The following TARBP1 variants were observed in gnomAD, a reference collection of about 807,000 sequenced individuals.
TARBP1 encodes tRNA guanosine 2 -O-methyltransferase TARBP1, also known as tRNA (guanosine(18)-2'-O)-methyltransferase TARBP1.
TARBP1 carries 144 observed loss-of-function variants against 178.6 expected under a neutral mutation model. The observed-to-expected ratio is 0.81, with a 90% CI of 0.70 to 0.93. The LOEUF is 0.93. Among genes scored for constraint, TARBP1 ranks in the 40% least tolerant of loss-of-function variants. TARBP1 has a pLI of 0.00. For missense variants in TARBP1, 2,067 were observed against 2,011.7 expected (o/e 1.03, Z -0.53); for synonymous variants, 787 against 781.0 (o/e 1.01, Z -0.13).
rs1372497823 is a variant in TARBP1 at position 234,405,903 on chromosome 1, C to T, written c.3989G>A (p.Gly1330Glu). ...GATGAGGTTGACGAGGGCTCCTTAC[C>T]CTGCTCCGTGCATGCTTTCCACTTG... ...LHQVESMHGA[G>E]NAKKNWQRIQ... The change falls in exon 24 of 30, where the codon GGG becomes GAG. Residue 1330 changes from glycine to glutamate, a missense_variant and splice_region_variant. Transcript: ENST00000040877. 1.2e-6 allele frequency: 2 copies of T among 1,613,180 alleles called. No homozygotes were observed. Among genetic ancestry groups the T allele is most frequent in the African/African-American group, 1.3e-5 (1 of 74,900 alleles).
intron 20 of TARBP1, among the ~76,000 whole-genome samples, chr1:234,422,711 T>C (rs1209949830): frequency 6.6e-6 from 1 of 152,146 alleles, no homozygotes; most frequent in Non-Finnish European, 1.5e-5. Context: ...AGTAAGTTAT[T>C]GTACATTTTA....
chr1:234,420,576 G>A (rs531290505), intron 21 of TARBP1, 126 bp downstream of exon 21: 29 of 510,912 alleles, frequency 5.7e-5, no homozygotes, highest in African/African-American at 5.4e-4. Context: ...TCAATTTTAA[G>A]AACTGCAGAA....
intron 2 of TARBP1, among the ~76,000 whole-genome samples, chr1:234,471,652 T>A (rs1571882375): frequency 6.6e-6 from 1 of 152,180 alleles, no homozygotes; most frequent in African/African-American, 2.4e-5. Context: ...CAGTTCGGAG[T>A]TCCATGTTCT....
intron 20 of TARBP1, among the ~76,000 whole-genome samples, chr1:234,425,248 A>C (rs1038017786): frequency 6.6e-6 from 1 of 152,310 alleles, no homozygotes; most frequent in Middle Eastern, 3.4e-3. Flanking sequence ...AGAAAAAACA[A>C]ACAAACAAAA....
At chr1:234,452,324 A>G (rs981757438) in intron 9 of TARBP1, among the ~76,000 whole-genome samples, 2 of 152,222 alleles carry the variant, frequency 1.3e-5, no homozygotes, top group African/African-American at 4.8e-5. Flanking sequence ...CAAAACACAT[A>G]TCTGATAAAG....
intron 5 of TARBP1, 114 bp downstream of exon 5, chr1:234,465,542 C>T (rs1668342829): frequency 2.2e-6 from 2 of 890,386 alleles, no homozygotes; most frequent in East Asian, 5.8e-5. Flanking sequence ...ATAAGAAAAA[C>T]TCAACTGTCT....
chr1:234,410,145 T>A (rs970137943), intron 23 of TARBP1, among the ~76,000 whole-genome samples: 14 of 152,224 alleles, frequency 9.2e-5, no homozygotes, highest in Admixed American at 8.5e-4. Flanking sequence ...TCCTAAGTAA[T>A]CCTAATCCTA....
chr1:234,455,990 T>TCTACCAAAGCAACCATAGGAAACTATG (rs1667232435), intron 9 of TARBP1, among the ~76,000 whole-genome samples: 2 of 152,212 alleles, frequency 1.3e-5, no homozygotes, highest in Non-Finnish European at 2.9e-5. Flanking sequence ...CCAAATGCTA[T>TCTACCAAAGCAACCATAGGAAACTATG]GTTTTATCTA....
rs536356508 is a variant in TARBP1, at chr1:234,427,712, G to A, written c.3115C>T (p.Leu1039=). 13 of 1,526,752 alleles carry A rather than the reference G, an allele frequency of 8.5e-6. No individual in the cohort carries two copies. The Admixed American group carries it at 1.4e-4, about 17-fold the overall frequency. The allele number at this position is 1,526,752 out of a possible 1,614,324, so 94.6% of individuals were successfully genotyped here. A position where few individuals can be genotyped will look rare whatever the true frequency, so the allele number is the denominator to read the frequency against. Residue 1039 remains leucine (L), a synonymous_variant, in exon 18 of 30, where the codon CTG becomes TTG. Coordinates refer to ENST00000040877, the MANE Select transcript of TARBP1 (RefSeq NM_005646.4). ...CAAGACTGACAGCAGTAACTTATCAGTGTATTGAAGACTCCAGTCTTTATA... is the reference window on the plus strand; with the variant it reads ...CAAGACTGACAGCAGTAACTTATCAATGTATTGAAGACTCCAGTCTTTATA... The part of the protein sequence containing the change: ...SAIKTGVFNT[L]ISYCCQSWIV...
intron 23 of TARBP1, among the ~76,000 whole-genome samples, chr1:234,408,163 A>AC (rs1661452383): frequency 6.6e-6 from 1 of 152,008 alleles, no homozygotes; most frequent in South Asian, 2.1e-4. Context: ...GAGCAAGCTG[A>AC]CAGGACAATA....
intron 13 of TARBP1, among the ~76,000 whole-genome samples, chr1:234,434,173 T>A (rs1211472788): frequency 1.3e-5 from 2 of 152,324 alleles, no homozygotes; most frequent in East Asian, 3.9e-4. Flanking sequence ...GATGACTCAA[T>A]TGTGAAATGT....
In TARBP1 at chr1:234,478,906, T is replaced by G. The variant is rs1669857636; in HGVS notation, c.198A>C (p.Ala66=). Residue 66 remains alanine, a synonymous_variant, in exon 1 of 30, where the codon GCA becomes GCC. Transcript: ENST00000040877. ...ALPEAAREVA[A]GYLVPLLRSL... ...TCCGCAGCAGTGGCACGAGGTACCC[T>G]GCAGCCACCTCGCGCGCCGCCTCCG... The G allele has an allele frequency of 7.0e-7, 1 of 1,419,728 alleles. No homozygotes were observed. Among genetic ancestry groups the G allele is most frequent in the Admixed American group, 3.1e-5 (1 of 32,644 alleles). The allele number at this position is 1,419,728 out of a possible 1,614,324, so 87.9% of individuals were successfully genotyped here. A position where few individuals can be genotyped will look rare whatever the true frequency, so the allele number is the denominator to read the frequency against.
chr1:234,476,404 G>A (rs897770537), intron 1 of TARBP1, among the ~76,000 whole-genome samples: 2 of 152,196 alleles, frequency 1.3e-5, no homozygotes, highest in African/African-American at 4.8e-5. Flanking sequence ...CCAGGTGAAG[G>A]GAATCCCGGG....
At chr1:234,446,050 AT>A (rs67728526) in intron 12 of TARBP1, among the ~76,000 whole-genome samples, 3 of 152,060 alleles carry the variant, frequency 2.0e-5, no homozygotes, top group Non-Finnish European at 2.9e-5. Flanking sequence ...ATAAAAAAAT[AT>A]TTTTTATATT....
At chr1:234,477,088 G>C (rs12567080) in intron 1 of TARBP1, among the ~76,000 whole-genome samples, 16,920 of 152,292 alleles carry the variant, frequency 0.11, 1,109 homozygotes, top group Middle Eastern at 0.17. Flanking sequence ...TGGAGGCTGA[G>C]GCAGGAGAAC....
intron 1 of TARBP1, among the ~76,000 whole-genome samples, chr1:234,475,269 C>T (rs483815): frequency 0.36 from 55,317 of 152,026 alleles, 10,454 homozygotes; most frequent in Non-Finnish European, 0.39. Flanking sequence ...TGCCTGTCCC[C>T]CTGGACCCTT....
intron 5 of TARBP1, among the ~76,000 whole-genome samples, chr1:234,464,299 A>G (rs1162754954): frequency 1.3e-5 from 2 of 152,220 alleles, no homozygotes; most frequent in Non-Finnish European, 2.9e-5. Flanking sequence ...AATGACTTTA[A>G]ATTTTTAGGT....
In TARBP1 at chr1:234,425,620, T is replaced by C. The variant is rs151062805; in HGVS notation, c.3444+53A>G. ...ATATTCTAGCAACATAAAGAGCAAA[T>C]GTTGACCTCTGACTGTTAAAAACAA... On this transcript the variant is annotated intron_variant, in intron 20 of 29. Coordinates refer to ENST00000040877, the MANE Select transcript of TARBP1 (RefSeq NM_005646.4). The C allele has an allele frequency of 6.2e-4, 954 of 1,547,942 alleles. 10 individuals are homozygous for C. The African/African-American group carries it at 0.012, about 19-fold the overall frequency.
intron 1 of TARBP1, among the ~76,000 whole-genome samples, chr1:234,475,368 G>A (rs1410525582): frequency 6.6e-6 from 1 of 152,230 alleles, no homozygotes; most frequent in Admixed American, 6.5e-5. Context: ...TGCCTCTAGG[G>A]CAGGGATAGA....
Sources: gnomAD v4.1 joint callset for allele counts (sites outside exome capture counted in the v4.1 genomes callset) on GRCh38, gnomAD v4.1.1 for gene constraint, MANE v1.5 for transcripts, NCBI Gene and HGNC (gene_info 2026-07-23, HGNC 2026-07-21) for gene names.